The following SNRPN variants were observed in gnomAD, a reference collection of about 807,000 sequenced individuals.
SNRPN encodes small nuclear ribonucleoprotein-associated protein N.
Under a neutral mutation model 25.2 loss-of-function variants are expected in SNRPN, and 7 were observed. The ratio of observed to expected loss-of-function variants is 0.28; its 90% CI spans 0.16 to 0.52. SNRPN has a LOEUF of 0.52. Among genes scored for constraint, SNRPN ranks in the 20% least tolerant of loss-of-function variants. The pLI, the probability that SNRPN is intolerant of heterozygous loss-of-function variation, is 0.96. For missense variants in SNRPN, 196 were observed against 322.5 expected (o/e 0.61, Z 3.00); for synonymous variants, 124 against 110.6 (o/e 1.12, Z -0.76).
intron 3 of SNRPN, among the ~76,000 whole-genome samples, chr15:24,938,767 A>T (rs181314430): frequency 6.6e-6 from 1 of 152,228 alleles, no homozygotes; most frequent in Non-Finnish European, 1.5e-5. Flanking sequence ...GTTAGTTTAA[A>T]TAATTCTGGT....
At chr15:24,958,486 G>GTTTTTTTTTTTT (rs71127030) in intron 1 of SNRPN, among the ~76,000 whole-genome samples, 1 of 65,284 alleles carries the variant, frequency 1.5e-5, no homozygotes, top group Non-Finnish European at 2.7e-5. Flanking sequence ...CTGGCTCAAA[G>GTTTTTTTTTTTT]TTTTTTTTTT....
intron 3 of SNRPN, among the ~76,000 whole-genome samples, chr15:24,940,288 C>T (rs998718330): frequency 2.0e-5 from 3 of 152,138 alleles, no homozygotes; most frequent in African/African-American, 7.2e-5. Flanking sequence ...GAAATCATTG[C>T]CAAATGCAAT....
chr15:24,953,814 A>G (rs1205916944), upstream of SNRPN, among the ~76,000 whole-genome samples: 2 of 152,206 alleles, frequency 1.3e-5, no homozygotes, highest in Non-Finnish European at 2.9e-5. Flanking sequence ...TTATTTATAT[A>G]TACGTTTATT....
At chr15:24,853,425 G>C (rs1488398776), upstream of SNRPN, among the ~76,000 whole-genome samples, 1 of 149,042 alleles carries the variant, frequency 6.7e-6, no homozygotes, top group South Asian at 2.1e-4. Flanking sequence ...GATGACTCTC[G>C]TTCTGTTGCC....
intron 3 of SNRPN, among the ~76,000 whole-genome samples, chr15:24,930,667 C>T (rs1416899456): frequency 2.0e-5 from 3 of 150,944 alleles, no homozygotes; most frequent in Non-Finnish European, 2.9e-5. Flanking sequence ...TTTGGGAGGC[C>T]GGGCCGGGTG....
intron 3 of SNRPN, among the ~76,000 whole-genome samples, chr15:24,926,998 G>T (rs1240424122): frequency 2.0e-5 from 3 of 152,082 alleles, no homozygotes; most frequent in Admixed American, 1.3e-4. Flanking sequence ...GTGACAGAGT[G>T]AGACCCTGTT....
intron 2 of SNRPN, among the ~76,000 whole-genome samples, chr15:24,836,664 C>T (rs968700292): frequency 3.3e-4 from 50 of 152,078 alleles, no homozygotes; most frequent in African/African-American, 1.2e-3. Context: ...CCGCCCTGCT[C>T]GGCCTCCCAG....
In SNRPN at chr15:24,907,737, C is replaced by T. The variant is rs184380134; in HGVS notation, c.-504-12274C>T. 4.9e-3 allele frequency among the ~76,000 whole-genome samples: 742 copies of T among 152,016 alleles called. 9 individuals carry two copies. The highest frequency in any genetic ancestry group is 0.016 in the African/African-American group (684 of 41,516). The stretch of plus-strand genomic sequence containing the variant: ...CTGGCACTATAGGCATAAGCCACCA[C>T]GCCTGGCCAAGACACTACCTTGAAA... On this transcript the variant is annotated intron_variant, in intron 2 of 11. Transcript: ENST00000400097.
At chr15:24,905,017 G>A (rs528259296) in intron 2 of SNRPN, among the ~76,000 whole-genome samples, 93 of 150,734 alleles carry the variant, frequency 6.2e-4, no homozygotes, top group Non-Finnish European at 9.6e-4. Context: ...GGAGGCTGAG[G>A]CAGGAGAATC....
chr15:24,874,831 G>A (rs910205311), intron 1 of SNRPN, among the ~76,000 whole-genome samples: 32 of 152,262 alleles, frequency 2.1e-4, no homozygotes, highest in African/African-American at 7.5e-4. Flanking sequence ...TCATGGACAG[G>A]GTGTGTTGAA....
Position 24,968,096 on chromosome 15 carries a change from C to G in SNRPN, c.-144+14C>G, listed in dbSNP as rs1399047445. The G allele has an allele frequency of 2.2e-6, 3 of 1,367,358 alleles. No homozygotes were observed. The African/African-American group carries it at 4.3e-5, about 20-fold the overall frequency. The allele number at this position is 1,367,358 out of a possible 1,614,324, so 84.7% of individuals were successfully genotyped here. Reference sequence around the variant, plus strand: ...AGCAAAAACCAGGTTAGAGCTAATGCAGCAATGATCAAGAATAAAGAATCA... The same window carrying G: ...AGCAAAAACCAGGTTAGAGCTAATGGAGCAATGATCAAGAATAAAGAATCA... On this transcript the variant is annotated intron_variant, in intron 3 of 9. Coordinates refer to ENST00000390687, the MANE Select transcript of SNRPN (RefSeq NM_003097.6).
At chr15:24,914,901 G>A (rs548667146) in intron 2 of SNRPN, among the ~76,000 whole-genome samples, 3 of 152,152 alleles carry the variant, frequency 2.0e-5, no homozygotes, top group African/African-American at 7.2e-5. Flanking sequence ...AAAAAGGGAC[G>A]TTATAACCAA....
At chr15:24,870,117 T>C (rs112374882) in intron 1 of SNRPN, among the ~76,000 whole-genome samples, 3 of 152,314 alleles carry the variant, frequency 2.0e-5, no homozygotes, top group African/African-American at 7.2e-5. Flanking sequence ...GGTGGTTCAA[T>C]TGTAATGTTT....
intron 1 of SNRPN, among the ~76,000 whole-genome samples, chr15:24,871,251 C>T (rs938616401): frequency 6.6e-6 from 1 of 151,868 alleles, no homozygotes; most frequent in African/African-American, 2.4e-5. Flanking sequence ...TAAAGTTATG[C>T]AGGGTTTCAA....
intron 1 of SNRPN, among the ~76,000 whole-genome samples, chr15:24,874,611 G>T (rs2055663621): frequency 6.6e-6 from 1 of 152,186 alleles, no homozygotes; most frequent in Admixed American, 6.5e-5. Context: ...CCAGAATCTA[G>T]TCATAATATG....
At chr15:24,893,162 C>T (rs1053058366) in intron 2 of SNRPN, among the ~76,000 whole-genome samples, 4 of 151,904 alleles carry the variant, frequency 2.6e-5, no homozygotes, top group Non-Finnish European at 4.4e-5. Flanking sequence ...GAGCCGAAAT[C>T]GAGCCACTGC....
At chr15:24,976,773 A>G in intron 6 of SNRPN, 104 bp from the exon 7 acceptor site, 1 of 982,986 alleles carries the variant, frequency 1.0e-6, no homozygotes. Flanking sequence ...CTAATATGAG[A>G]TAGGTGTCAT....
chr15:24,923,228 G>T (rs1034130670), intron 3 of SNRPN, among the ~76,000 whole-genome samples: 1 of 152,132 alleles, frequency 6.6e-6, no homozygotes, highest in African/African-American at 2.4e-5. Flanking sequence ...TATACCTGAT[G>T]ATTGTTTGGG....
chr15:24,935,789 A>T (rs924803497), intron 3 of SNRPN, among the ~76,000 whole-genome samples: 3 of 152,124 alleles, frequency 2.0e-5, no homozygotes, highest in African/African-American at 7.2e-5. Context: ...AAAGTGGACT[A>T]TGGGTGCTCA....
Sources: allele counts gnomAD v4.1 joint callset (sites outside exome capture counted in the v4.1 genomes callset), GRCh38; gene constraint gnomAD v4.1.1; transcripts MANE v1.5; gene names NCBI Gene and HGNC (gene_info 2026-07-23, HGNC 2026-07-21).